The following VPS13B variants were observed in gnomAD, a reference collection of about 807,000 sequenced individuals.
VPS13B encodes vacuolar protein sorting 13 homolog B.
In VPS13B, 285 loss-of-function variants were observed where a neutral mutation model predicts 426.4. That is an observed-to-expected ratio of 0.67 (90% CI 0.61 to 0.74). The LOEUF (loss-of-function observed/expected upper bound fraction) is 0.74. Among genes scored for constraint, VPS13B ranks in the 30% least tolerant of loss-of-function variants. VPS13B has a pLI of 0.00. For missense variants in VPS13B, 4,537 were observed against 4,782.6 expected, an observed-to-expected ratio of 0.95 and a Z score of 1.51; for synonymous variants, 1,676 against 1,676.4, an observed-to-expected ratio of 1.00 and a Z score of 0.01.
intron 16 of VPS13B, among the ~76,000 whole-genome samples, chr8:99,189,507 T>C (rs2132718393): frequency 6.8e-6 from 1 of 148,020 alleles, no homozygotes; most frequent in African/African-American, 2.5e-5. Context: ...ATTGTGCACG[T>C]TGTAGTTTAG....
intron 25 of VPS13B, among the ~76,000 whole-genome samples, chr8:99,485,131 T>C (rs1259390733): frequency 6.6e-6 from 1 of 152,190 alleles, no homozygotes; most frequent in Non-Finnish European, 1.5e-5. Flanking sequence ...TTAACAGATT[T>C]TTGAAACCCT....
intron 31 of VPS13B, among the ~76,000 whole-genome samples, chr8:99,563,530 A>G (rs536652158): frequency 6.6e-6 from 1 of 152,100 alleles, no homozygotes; most frequent in South Asian, 2.1e-4. Flanking sequence ...TTTTTAAAAG[A>G]AAAAAAAGAG....
At chr8:99,705,080 T>C in intron 36 of VPS13B, among the ~76,000 whole-genome samples, 1 of 152,086 alleles carries the variant, frequency 6.6e-6, no homozygotes, top group East Asian at 1.9e-4. Context: ...TTAATCCTGG[T>C]CAGATTCCCT....
At chr8:99,258,879 T>G (rs902847419) in intron 17 of VPS13B, among the ~76,000 whole-genome samples, 1 of 152,010 alleles carries the variant, frequency 6.6e-6, no homozygotes, top group Non-Finnish European at 1.5e-5. Flanking sequence ...TTATACAGCT[T>G]TTTGATGGTA....
At chr8:99,317,607 TC>T (rs923010991) in intron 19 of VPS13B, among the ~76,000 whole-genome samples, 107 of 152,170 alleles carry the variant, frequency 7.0e-4, no homozygotes, top group African/African-American at 2.4e-3. Context: ...CATTCCTTCT[TC>T]TCAGTCCTCC....
chr8:99,122,962 A>T (rs974332962), intron 8 of VPS13B, among the ~76,000 whole-genome samples: 1 of 151,794 alleles, frequency 6.6e-6, no homozygotes, highest in African/African-American at 2.4e-5. Flanking sequence ...AAAAAAAAAA[A>T]ATTACCCAAT....
chr8:99,243,686 T>C (rs1188800313), intron 17 of VPS13B, among the ~76,000 whole-genome samples: 1 of 152,216 alleles, frequency 6.6e-6, no homozygotes, highest in African/African-American at 2.4e-5. Context: ...GAGATTATGT[T>C]CCATACATTG....
chr8:99,587,577 T>C (rs989510790), intron 33 of VPS13B, among the ~76,000 whole-genome samples: 1 of 151,828 alleles, frequency 6.6e-6, no homozygotes, highest in African/African-American at 2.4e-5. Context: ...TGACCAGTGA[T>C]GATGAGCATT....
At chr8:99,642,953 G>A (rs1339042350) in intron 34 of VPS13B, among the ~76,000 whole-genome samples, 1 of 152,144 alleles carries the variant, frequency 6.6e-6, no homozygotes, top group Non-Finnish European at 1.5e-5. Context: ...ATGTAATTGA[G>A]AAGGTTTATT....
chr8:99,711,639 T>C (rs1832713791), intron 36 of VPS13B, among the ~76,000 whole-genome samples: 1 of 152,204 alleles, frequency 6.6e-6, no homozygotes, highest in Non-Finnish European at 1.5e-5. Flanking sequence ...TATTAGGGTT[T>C]GTATGATAGC....
intron 12 of VPS13B, among the ~76,000 whole-genome samples, chr8:99,139,545 C>T (rs754381806): frequency 5.3e-5 from 8 of 150,112 alleles, no homozygotes; most frequent in Non-Finnish European, 1.0e-4. Context: ...TCATGCCATT[C>T]TCCTGCCTCA....
In VPS13B at chr8:99,868,435, G is replaced by A. The variant is rs780860991; in HGVS notation, c.11362G>A (p.Ala3788Thr). 35 of 1,613,488 alleles carry A rather than the reference G, an allele frequency of 2.2e-5. No individual in the cohort carries two copies. The South Asian group carries it at 3.3e-4, about 15-fold the overall frequency. ...GGTGTTCACAAAGCCCATCGGAGGA[G>A]CTGCTGAGCTGGTGTCACAGACTGG... is the stretch of plus-strand genomic sequence containing the variant. ...MGVFTKPIGG[A>T]AELVSQTGYG... Residue 3788 changes from alanine (A) to threonine (T), a missense_variant, in exon 59 of 62, where the codon GCT becomes ACT. Around this residue, in one of 2 missense-constraint regions of VPS13B, gnomAD observed 4,311 missense variants for 4,474.3 expected, o/e 0.96. Transcript: ENST00000357162.
Position 99,821,439 on chromosome 8 carries a change from T to C in VPS13B, c.9140T>C (p.Val3047Ala), listed in dbSNP as rs1428199086. Residue 3047 changes from valine (V) to alanine (A), a missense_variant, in exon 50 of 62, where the codon GTT becomes GCT. Coordinates refer to ENST00000357162, the MANE Select transcript of VPS13B (RefSeq NM_152564.5). ...GTGACACTGGATGAAGAAGCGTTTG[T>C]TGATACTGAAATAAGACTTGGTGCT... is the stretch of plus-strand genomic sequence containing the variant. Reference protein sequence around the residue: ...EVVTLDEEAFVDTEIRLGAFP... With the variant: ...EVVTLDEEAFADTEIRLGAFP... The C allele has an allele frequency of 3.7e-6, 6 of 1,613,726 alleles. No homozygotes were observed. The highest frequency in any genetic ancestry group is 5.1e-6 in the Non-Finnish European group (6 of 1,179,806).
At chr8:99,709,258 A>G (rs547991056) in intron 36 of VPS13B, among the ~76,000 whole-genome samples, 6 of 152,064 alleles carry the variant, frequency 3.9e-5, no homozygotes, top group Admixed American at 2.0e-4. Context: ...ATCATTGACT[A>G]CTCTTTCTAA....
intron 51 of VPS13B, among the ~76,000 whole-genome samples, chr8:99,830,169 A>G (rs1814961207): frequency 6.6e-6 from 1 of 152,158 alleles, no homozygotes; most frequent in Admixed American, 6.5e-5. Context: ...GGCAGTCAGG[A>G]ACGTTTAAGT....
intron 22 of VPS13B, among the ~76,000 whole-genome samples, chr8:99,437,681 G>A (rs1056721252): frequency 6.6e-6 from 1 of 152,046 alleles, no homozygotes; most frequent in African/African-American, 2.4e-5. Flanking sequence ...TTGCGCCACT[G>A]CACTCCAGCC....
At chr8:99,428,356 T>C (rs200989033) in intron 21 of VPS13B, among the ~76,000 whole-genome samples, 2 of 152,124 alleles carry the variant, frequency 1.3e-5, no homozygotes, top group Admixed American at 6.5e-5. Context: ...AGGCAACCTA[T>C]AGAATGGAAG....
At chr8:99,455,531 A>G (rs1471559867) in intron 23 of VPS13B, among the ~76,000 whole-genome samples, 2 of 152,192 alleles carry the variant, frequency 1.3e-5, no homozygotes, top group Non-Finnish European at 2.9e-5. Context: ...ATATAATGTA[A>G]CATTAAATTT....
chr8:99,859,397 A>G lies in VPS13B; in HGVS notation c.10961A>G (p.Tyr3654Cys), dbSNP rs774678400. ...NGVADFFRLP[Y>C]EGLTRGPGAF... Reference sequence around the variant, plus strand: ...GTCGCCGACTTCTTCAGGCTTCCGTATGAGGGGCTGACCCGGGGCCCTGGA... The same window carrying G: ...GTCGCCGACTTCTTCAGGCTTCCGTGTGAGGGGCTGACCCGGGGCCCTGGA... Residue 3654 changes from tyrosine to cysteine, a missense_variant, in exon 57 of 62, where the codon TAT becomes TGT. Transcript: ENST00000357162. 24 of 1,613,956 alleles carry G rather than the reference A, an allele frequency of 1.5e-5. No individual in the cohort carries two copies. In the East Asian group the frequency reaches 2.5e-4, roughly 16 times the overall value.
Sources: allele counts gnomAD v4.1 joint callset (sites outside exome capture counted in the v4.1 genomes callset), GRCh38; gene constraint gnomAD v4.1.1; regional missense constraint gnomAD v4.1.1; transcripts MANE v1.5; gene names NCBI Gene and HGNC (gene_info 2026-07-23, HGNC 2026-07-21).